The following FER variants were observed in gnomAD, a reference collection of about 807,000 sequenced individuals.
The protein encoded by FER is tyrosine-protein kinase Fer.
FER carries 63 observed loss-of-function variants against 111.0 expected under a neutral mutation model. The observed-to-expected ratio is 0.57, with a 90% CI of 0.46 to 0.70. FER has a LOEUF of 0.70. Ranked by LOEUF, FER falls within the 30% of genes least tolerant of loss-of-function variation. FER has a pLI of 0.00. For missense variants in FER, 914 were observed against 954.0 expected (o/e 0.96, Z 0.55); for synonymous variants, 327 against 313.9 (o/e 1.04, Z -0.44).
At chr5:109,074,381 T>A (rs1284450027) in intron 16 of FER, among the ~76,000 whole-genome samples, 1 of 152,212 alleles carries the variant, frequency 6.6e-6, no homozygotes, top group Non-Finnish European at 1.5e-5. Context: ...AAAGATACAT[T>A]GTAATATCAT....
At chr5:109,132,524 G>A (rs1015707972) in intron 17 of FER, among the ~76,000 whole-genome samples, 6 of 152,082 alleles carry the variant, frequency 3.9e-5, no homozygotes, top group Non-Finnish European at 7.4e-5. Flanking sequence ...AGAAACAGGT[G>A]GAGGCAGGGA....
chr5:108,806,565 G>A (rs1271404313), intron 3 of FER, among the ~76,000 whole-genome samples: 2 of 152,224 alleles, frequency 1.3e-5, no homozygotes, highest in Non-Finnish European at 2.9e-5. Flanking sequence ...AGCCACAGGG[G>A]CAGAGCTGCC....
chr5:108,853,781 C>T (rs1762743628), intron 5 of FER, among the ~76,000 whole-genome samples: 1 of 152,174 alleles, frequency 6.6e-6, no homozygotes, highest in African/African-American at 2.4e-5. Context: ...TCCTTTAAAA[C>T]ACTGACTTTT....
intron 14 of FER, among the ~76,000 whole-genome samples, chr5:109,038,371 A>G (rs1770685960): frequency 6.6e-6 from 1 of 151,982 alleles, no homozygotes; most frequent in Non-Finnish European, 1.5e-5. Flanking sequence ...ATTAAGGCTC[A>G]GCATTTTAGA....
intron 11 of FER, among the ~76,000 whole-genome samples, chr5:108,951,097 T>TG (rs1476760609): frequency 1.3e-5 from 2 of 151,896 alleles, no homozygotes; most frequent in Non-Finnish European, 2.9e-5. Flanking sequence ...GGTGAAACCC[T>TG]GTCTCCACTA....
rs866748247 is a variant in FER, at chr5:109,014,421, G to C, written c.1657-23001G>C. Among the ~76,000 whole-genome samples the C allele has an allele frequency of 3.3e-5, 5 of 152,230 alleles. No individual in the cohort carries two copies. In the South Asian group the frequency reaches 1.0e-3, roughly 32 times the overall value. On this transcript the variant is annotated intron_variant, in intron 13 of 19. Coordinates refer to ENST00000281092, the MANE Select transcript of FER (RefSeq NM_005246.4). ...ATACGGCCTTATTTCTGAGGGCTCT[G>C]TTCTGTTCCATTGATCTATATCTCT...
intron 17 of FER, among the ~76,000 whole-genome samples, chr5:109,106,653 T>G (rs1331459810): frequency 1.3e-5 from 2 of 152,214 alleles, no homozygotes; most frequent in African/African-American, 4.8e-5. Flanking sequence ...TATTTGTATA[T>G]GCAGTGCAAT....
At chr5:108,897,603 G>A in intron 9 of FER, 56 bp from the exon 10 acceptor site, 1 of 1,261,186 alleles carries the variant, frequency 7.9e-7, no homozygotes, top group South Asian at 2.1e-5. Flanking sequence ...CATATATGAG[G>A]TTTCCTTAAT....
At chr5:108,823,421 C>T (rs1420514755) in intron 3 of FER, among the ~76,000 whole-genome samples, 1 of 152,130 alleles carries the variant, frequency 6.6e-6, no homozygotes, top group Non-Finnish European at 1.5e-5. Context: ...TGCTCCTTTT[C>T]TTCACATCTT....
At chr5:108,835,228 C>T in intron 4 of FER, among the ~76,000 whole-genome samples, 1 of 116,918 alleles carries the variant, frequency 8.6e-6, no homozygotes, top group East Asian at 3.0e-4. Flanking sequence ...TTCAGCCAGG[C>T]TGGAGTGCAG....
intron 13 of FER, among the ~76,000 whole-genome samples, chr5:108,961,785 A>G (rs1286294093): frequency 6.6e-6 from 1 of 152,196 alleles, no homozygotes; most frequent in African/African-American, 2.4e-5. Context: ...TGGATTTGTT[A>G]TGGTGGTAGT....
intron 11 of FER, among the ~76,000 whole-genome samples, chr5:108,950,152 C>A (rs903333612): frequency 1.3e-5 from 2 of 151,940 alleles, no homozygotes; most frequent in African/African-American, 4.8e-5. Context: ...TACAAAAAGG[C>A]CAGGAAATGG....
intron 17 of FER, among the ~76,000 whole-genome samples, chr5:109,116,451 A>T (rs993772358): frequency 6.6e-5 from 10 of 151,924 alleles, no homozygotes; most frequent in African/African-American, 2.4e-4. Context: ...ATGAAAAAAA[A>T]TAACAGTGTC....
intron 1 of FER, among the ~76,000 whole-genome samples, chr5:108,758,765 G>T (rs577851967): frequency 3.9e-5 from 6 of 152,254 alleles, no homozygotes; most frequent in African/African-American, 1.4e-4. Flanking sequence ...AAGCCCTTTG[G>T]CCTGAGATTC....
chr5:109,029,097 A>G (rs1290529175), intron 13 of FER, among the ~76,000 whole-genome samples: 1 of 152,218 alleles, frequency 6.6e-6, no homozygotes, highest in African/African-American at 2.4e-5. Context: ...GGTCAAGAGT[A>G]TAGAGATAAG....
intron 2 of FER, among the ~76,000 whole-genome samples, chr5:108,786,057 G>A (rs943690006): frequency 9.2e-5 from 14 of 152,338 alleles, no homozygotes; most frequent in African/African-American, 3.4e-4. Flanking sequence ...ATGTGAGTGT[G>A]CAGGTAAACA....
At position 108,832,848 on chromosome 5, in the gene FER, C is replaced by G; in HGVS notation, c.286C>G (p.Pro96Ala). ...ACATGCAGAGGACTTGAACTCTGGA[C>G]CTTTACACAGGCTCACCATGATGAT... ...KTHAEDLNSGPLHRLTMMIKD... is the reference protein window; with the variant it reads ...KTHAEDLNSGALHRLTMMIKD... The change falls in exon 4 of 20, where the codon CCT becomes GCT. Residue 96 changes from proline (P) to alanine (A), a missense_variant. Physicochemically the swap from Pro to Ala is conservative, Grantham distance 27 (BLOSUM62 -1). Coordinates refer to ENST00000281092, the MANE Select transcript of FER (RefSeq NM_005246.4). 1 of 1,608,124 alleles carries G rather than the reference C, an allele frequency of 6.2e-7. No individual in the cohort carries two copies. The highest frequency in any genetic ancestry group is 8.5e-7 in the Non-Finnish European group (1 of 1,176,920).
At chr5:109,178,751 A>G (rs1452943572) in intron 17 of FER, among the ~76,000 whole-genome samples, 5 of 152,224 alleles carry the variant, frequency 3.3e-5, no homozygotes, top group African/African-American at 1.2e-4. Flanking sequence ...AAGTCCTACA[A>G]CTTTGTACAC....
At chr5:109,033,468 G>C (rs1561803384) in intron 13 of FER, among the ~76,000 whole-genome samples, 1 of 151,948 alleles carries the variant, frequency 6.6e-6, no homozygotes, top group South Asian at 2.1e-4. Flanking sequence ...AGAGTTCCAG[G>C]CTTCTTCAGC....
Sources: allele counts gnomAD v4.1 joint callset (sites outside exome capture counted in the v4.1 genomes callset), GRCh38; gene constraint gnomAD v4.1.1; transcripts MANE v1.5; gene names NCBI Gene and HGNC (gene_info 2026-07-23, HGNC 2026-07-21).